The following DPYSL2 variants were observed in gnomAD, a reference collection of about 807,000 sequenced individuals.
The protein encoded by DPYSL2 is dihydropyrimidinase-related protein 2.
In DPYSL2, 13 loss-of-function variants were observed where a neutral mutation model predicts 69.9. That is an observed-to-expected ratio of 0.19 (90% CI 0.12 to 0.30). The LOEUF (loss-of-function observed/expected upper bound fraction) is 0.30. Ranked by LOEUF, DPYSL2 falls within the 10% of genes least tolerant of loss-of-function variation. The pLI is 1.00. For synonymous variants in DPYSL2, 326 were observed against 359.1 expected (o/e 0.91, Z 1.04); for missense variants, 587 against 918.9 (o/e 0.64, Z 4.67).
rs575703773 is a variant in DPYSL2 at position 26,582,957 on chromosome 8, G to A, written c.444-842G>A. On this transcript the variant is annotated intron_variant, in intron 2 of 13. Transcript: ENST00000521913. The surrounding 1 kb of genome is among the most constrained non-coding windows in gnomAD (Gnocchi z 4.1). ...AATGTTTTCTCCATGTGTGTTTGCT[G>A]TGACAGTCTCAGCTCCAGGCTCTCA... is the stretch of plus-strand genomic sequence containing the variant. 2.1e-3 allele frequency among the ~76,000 whole-genome samples: 317 copies of A among 152,268 alleles called. 11 individuals carry two copies. In the South Asian group the frequency reaches 0.063, roughly 30 times the overall value.
chr8:26,601,529 C>G (rs1801992956), intron 3 of DPYSL2, among the ~76,000 whole-genome samples: 1 of 152,188 alleles, frequency 6.6e-6, no homozygotes, highest in Non-Finnish European at 1.5e-5. Flanking sequence ...AGGTGCCCGC[C>G]AACATGCCCG....
chr8:26,577,810 C>A, intron 1 of DPYSL2: 1 of 993,442 alleles, frequency 1.0e-6, no homozygotes. Context: ...CCCGCCCCAC[C>A]GGCCTAAATT....
At chr8:26,530,169 A>C (rs1483125234) in intron 1 of DPYSL2, among the ~76,000 whole-genome samples, 3 of 152,042 alleles carry the variant, frequency 2.0e-5, no homozygotes, top group Non-Finnish European at 2.9e-5. Flanking sequence ...GAAAAGAAAA[A>C]AAAACCAACA....
chr8:26,609,288 G>A lies in DPYSL2; in HGVS notation c.629-14855G>A, dbSNP rs538215542. ...GTAAGAAGTAATCATGACCCTGTCC[G>A]TTCATTTGCTCTTTGTTCTTTCCTG... On this transcript the variant is annotated intron_variant, in intron 3 of 13. Transcript: ENST00000521913. The surrounding 1 kb of genome is among the most constrained non-coding windows in gnomAD (Gnocchi z 6.5). Among the ~76,000 whole-genome samples the A allele has an allele frequency of 3.3e-4, 51 of 152,264 alleles. 1 individual carries two copies. Among genetic ancestry groups the A allele is most frequent in the Admixed American group, 3.1e-3 (47 of 15,290 alleles).
At chr8:26,531,128 C>T (rs528556900) in intron 1 of DPYSL2, among the ~76,000 whole-genome samples, 11 of 151,600 alleles carry the variant, frequency 7.3e-5, no homozygotes, top group African/African-American at 2.4e-4. Flanking sequence ...TCCAAAACCC[C>T]CACCTCTTAA....
rs1041070606 is a variant in DPYSL2 at position 26,627,697 on chromosome 8, G to A, written c.937-175G>A. ...TGTAATTGATCCATCCTGCTCAGGC[G>A]GGACTGGGAACAGGGCAGTGAACCC... On this transcript the variant is annotated intron_variant, in intron 6 of 13. Transcript: ENST00000521913. This position sits in a 1 kb window ranked among gnomAD's most constrained non-coding sequence, Gnocchi z 6.9. Among the ~76,000 whole-genome samples, 3 of 152,274 alleles carry A rather than the reference G, an allele frequency of 2.0e-5. No homozygotes were observed. The highest frequency in any genetic ancestry group is 2.1e-4 in the South Asian group (1 of 4,818).
chr8:26,559,077 G>T (rs1326562734), intron 1 of DPYSL2, among the ~76,000 whole-genome samples: 1 of 152,060 alleles, frequency 6.6e-6, no homozygotes, highest in Non-Finnish European at 1.5e-5. Flanking sequence ...TGAGTAACTG[G>T]GACTACAAGC....
In DPYSL2 at chr8:26,593,034, G is replaced by A. The variant is rs1352327354; in HGVS notation, c.628+9051G>A. On this transcript the variant is annotated intron_variant, in intron 3 of 13. Transcript: ENST00000521913. The surrounding 1 kb of genome is among the most constrained non-coding windows in gnomAD (Gnocchi z 5.7). Reference sequence around the variant, plus strand: ...TGCTTAAATTCCTTGCTTTTAGAGCGTCTTAACTGCCATGGTAATGATAAA... The same window carrying A: ...TGCTTAAATTCCTTGCTTTTAGAGCATCTTAACTGCCATGGTAATGATAAA... Among the ~76,000 whole-genome samples, 2 of 152,164 alleles carry A rather than the reference G, an allele frequency of 1.3e-5. No individual in the cohort carries two copies. The highest frequency in any genetic ancestry group is 2.9e-5 in the Non-Finnish European group (2 of 68,030).
At chr8:26,556,061 TTATGTATA>T (rs1233739384) in intron 1 of DPYSL2, among the ~76,000 whole-genome samples, 2 of 81,220 alleles carry the variant, frequency 2.5e-5, no homozygotes, top group African/African-American at 9.7e-5. Context: ...TATATATAAA[TTATGTATA>T]TACTATATAT....
intron 7 of DPYSL2, among the ~76,000 whole-genome samples, chr8:26,629,910 T>C (rs939449098): frequency 5.3e-5 from 8 of 152,216 alleles, no homozygotes; most frequent in Non-Finnish European, 8.8e-5. Flanking sequence ...GCTGATTTTA[T>C]GCACATTTGT....
chr8:26,631,673 A>C (rs1563418745), intron 7 of DPYSL2, among the ~76,000 whole-genome samples: 1 of 152,214 alleles, frequency 6.6e-6, no homozygotes, highest in Non-Finnish European at 1.5e-5. Context: ...GGGATGCACC[A>C]GTATGGGATG....
At chr8:26,594,550 G>A (rs917744345) in intron 3 of DPYSL2, among the ~76,000 whole-genome samples, 5 of 152,108 alleles carry the variant, frequency 3.3e-5, no homozygotes, top group African/African-American at 9.6e-5. Context: ...TATGACATCT[G>A]TCTGTACCTA....
intron 3 of DPYSL2, among the ~76,000 whole-genome samples, chr8:26,589,017 C>T (rs778502594): frequency 6.6e-6 from 1 of 152,226 alleles, no homozygotes; most frequent in Non-Finnish European, 1.5e-5. Context: ...TCCTGCCTCT[C>T]GCCAGGCTGT....
chr8:26,523,635 C>T (rs574022094), intron 1 of DPYSL2, among the ~76,000 whole-genome samples: 1 of 152,186 alleles, frequency 6.6e-6, no homozygotes, highest in African/African-American at 2.4e-5. Flanking sequence ...CATGTTGTAG[C>T]ATGTGTCAGA....
At position 26,565,673 on chromosome 8, in the gene DPYSL2, C is replaced by A. The variant is rs1801136774; in HGVS notation, c.355-16296C>A. On this transcript the variant is annotated intron_variant, in intron 1 of 13. Transcript: ENST00000521913. This position sits in a 1 kb window ranked among gnomAD's most constrained non-coding sequence, Gnocchi z 4.1. ...ATACTGCTGCTATGATAAATAGACT[C>A]CACTATGTATAATGACTCGAGCACA... Among the ~76,000 whole-genome samples, 1 of 152,132 alleles carries A rather than the reference C, an allele frequency of 6.6e-6. No homozygotes were observed. The highest frequency in any genetic ancestry group is 2.4e-5 in the African/African-American group (1 of 41,426).
In DPYSL2 at chr8:26,657,372, G is replaced by A. The variant is rs1272431326; in HGVS notation, c.*1666G>A. On this transcript the variant is annotated 3_prime_UTR_variant, in exon 14 of 14. Coordinates refer to ENST00000521913, the MANE Select transcript of DPYSL2 (RefSeq NM_001197293.3). ...ACTTGTGTTGCATTGTATTCCAAAC[G>A]TGTTTACAGGTTCTCTTAAGCAATG... The A allele has an allele frequency of 6.6e-6, 1 of 152,542 alleles. No individual in the cohort carries two copies. The highest frequency in any genetic ancestry group is 2.4e-5 in the African/African-American group (1 of 41,400). The allele number at this position is 152,542 out of a possible 1,614,324, so 9.4% of individuals were successfully genotyped here.
chr8:26,618,626 A>G (rs1309679977), intron 3 of DPYSL2, among the ~76,000 whole-genome samples: 5 of 150,960 alleles, frequency 3.3e-5, no homozygotes, highest in Non-Finnish European at 5.9e-5. Context: ...GCTCATGCCT[A>G]TCTTTTTATA....
chr8:26,534,890 C>T (rs1800567330), intron 1 of DPYSL2, among the ~76,000 whole-genome samples: 1 of 152,140 alleles, frequency 6.6e-6, no homozygotes, highest in Non-Finnish European at 1.5e-5. Context: ...ACCTCAGCCT[C>T]CCAAAACACT....
At position 26,648,120 on chromosome 8, in the gene DPYSL2, A is replaced by G. The variant is rs1467191128; in HGVS notation, c.1596+320A>G. ...CCGCTCCATTTTCATAGGTTGGCAC[A>G]GCACTTCTCATGGCAGTACTTGGTG... On this transcript the variant is annotated intron_variant, in intron 11 of 13. Coordinates refer to ENST00000521913, the MANE Select transcript of DPYSL2 (RefSeq NM_001197293.3). The surrounding 1 kb of genome is among the most constrained non-coding windows in gnomAD (Gnocchi z 4.3). Among the ~76,000 whole-genome samples, 2 of 152,198 alleles carry G rather than the reference A, an allele frequency of 1.3e-5. No homozygotes were observed. The highest frequency in any genetic ancestry group is 2.9e-5 in the Non-Finnish European group (2 of 68,048).
Sources: gnomAD v4.1 joint callset for allele counts (sites outside exome capture counted in the v4.1 genomes callset) on GRCh38, gnomAD v4.1.1 for gene constraint, Gnocchi (gnomAD v3.1) non-coding constraint, MANE v1.5 for transcripts, NCBI Gene and HGNC (gene_info 2026-07-23, HGNC 2026-07-21) for gene names.